ZNF516: variants seen among roughly 807,000 people sequenced by gnomAD.
The protein encoded by ZNF516 is zinc finger protein 516.
In ZNF516, 19 loss-of-function variants were observed where a neutral mutation model predicts 79.7. The ratio of observed to expected loss-of-function variants is 0.24; its 90% CI spans 0.17 to 0.35. The LOEUF (loss-of-function observed/expected upper bound fraction) is 0.35, where lower values mean the gene tolerates loss of function less well. Ranked by LOEUF, ZNF516 falls within the 10% of genes least tolerant of loss-of-function variation. The probability of loss-of-function intolerance (pLI) is 1.00; values close to 1 mark genes in which losing one functional copy is unlikely to be tolerated. For synonymous variants in ZNF516, 877 were observed against 739.5 expected, an observed-to-expected ratio of 1.19 and a Z score of -3.02; for missense variants, 1,678 against 1,679.5, an observed-to-expected ratio of 1.00 and a Z score of 0.02.
chr18:76,380,161 G>A lies in ZNF516; in HGVS notation c.1953C>T (p.Ser651=), dbSNP rs1251943607. ...ESKAGIAASV[S]ILENSSRETS... is the part of the protein sequence containing the mutation. ...TCTCTCTGCTACTGTTTTCAAGTATGGACACAGAAGCTGCGATCCCTGCCT... is the reference window on the plus strand; with the variant it reads ...TCTCTCTGCTACTGTTTTCAAGTATAGACACAGAAGCTGCGATCCCTGCCT... The change falls in exon 4 of 7, where the codon TCC becomes TCT. Residue 651 remains serine (S), a synonymous_variant. Coordinates refer to ENST00000443185, the MANE Select transcript of ZNF516 (RefSeq NM_014643.4). The A allele has an allele frequency of 1.9e-6, 3 of 1,613,938 alleles. No individual in the cohort carries two copies. Among genetic ancestry groups the A allele is most frequent in the South Asian group, 1.1e-5 (1 of 91,076 alleles).
At position 76,360,439 on chromosome 18, in the gene ZNF516, CAT is replaced by C. The variant is rs2074513137; in HGVS notation, c.*2057_*2058del. On this transcript the variant is annotated 3_prime_UTR_variant, in exon 7 of 7. Coordinates refer to ENST00000443185, the MANE Select transcript of ZNF516 (RefSeq NM_014643.4). Reference sequence around the variant, plus strand: ...TGGGGAAACTACTGAAATGATTAAACATAAATCAACAGAAGAGTCTTCTGATT... The same window carrying C: ...TGGGGAAACTACTGAAATGATTAAACAAATCAACAGAAGAGTCTTCTGATT... The C allele has an allele frequency of 6.6e-6, 1 of 151,646 alleles. No homozygotes were observed. The highest frequency in any genetic ancestry group is 2.4e-5 in the African/African-American group (1 of 41,250). 9.4% of individuals were successfully genotyped at this position (151,646 alleles called of 1,614,324 possible). A position where few individuals can be genotyped will look rare whatever the true frequency, so the allele number is the denominator to read the frequency against.
rs1374485979 is a variant in ZNF516, at chr18:76,362,055, T to G, written c.*443A>C. On this transcript the variant is annotated 3_prime_UTR_variant, in exon 7 of 7. Transcript: ENST00000443185. Reference sequence around the variant, plus strand: ...TCTTGTTCTGACATCATCCCCACAGTCCCTCTTAACATGGGAGGCCCCTGT... The same window carrying G: ...TCTTGTTCTGACATCATCCCCACAGGCCCTCTTAACATGGGAGGCCCCTGT... 1.9e-5 allele frequency: 3 copies of G among 156,880 alleles called. No homozygotes were observed. The highest frequency in any genetic ancestry group is 7.2e-5 in the African/African-American group (3 of 41,536). 9.7% of individuals were successfully genotyped at this position (156,880 alleles called of 1,614,324 possible).
At position 76,467,995 on chromosome 18, in the gene ZNF516, ACG is replaced by A. The variant is rs1913591951; in HGVS notation, c.-271-4856_-271-4855del. Among the ~76,000 whole-genome samples the A allele has an allele frequency of 6.6e-6, 1 of 152,162 alleles. No homozygotes were observed. The highest frequency in any genetic ancestry group is 2.1e-4 in the South Asian group (1 of 4,830). On this transcript the variant is annotated intron_variant, in intron 1 of 6. Coordinates refer to ENST00000443185, the MANE Select transcript of ZNF516 (RefSeq NM_014643.4). This position sits in a 1 kb window ranked among gnomAD's most constrained non-coding sequence, Gnocchi z 4.2. Reference sequence around the variant, plus strand: ...CATTCCAGACCTCCCTACGGACAGCACGCGACGGACGGCCTTGCGGGACTCCC... The same window carrying A: ...CATTCCAGACCTCCCTACGGACAGCACGACGGACGGCCTTGCGGGACTCCC...
chr18:76,375,272 T>TA (rs2074252992), intron 4 of ZNF516, among the ~76,000 whole-genome samples: 1 of 151,760 alleles, frequency 6.6e-6, no homozygotes, highest in African/African-American at 2.4e-5. Flanking sequence ...AGAGACCAAA[T>TA]AGAGGATGGA....
At chr18:76,404,201 T>C (rs1353879688) in intron 3 of ZNF516, among the ~76,000 whole-genome samples, 1 of 152,226 alleles carries the variant, frequency 6.6e-6, no homozygotes, top group Non-Finnish European at 1.5e-5. Context: ...TGGTCCCACA[T>C]GGTATCGCCC....
intron 3 of ZNF516, among the ~76,000 whole-genome samples, chr18:76,392,076 C>T (rs547930706): frequency 4.6e-5 from 7 of 152,326 alleles, no homozygotes; most frequent in East Asian, 3.9e-4. Flanking sequence ...CCGCCACCAG[C>T]GACGCCAGTC....
chr18:76,387,654 C>T (rs1467304455), intron 3 of ZNF516: 2 of 152,234 alleles, frequency 1.3e-5, no homozygotes, highest in Non-Finnish European at 2.9e-5. Flanking sequence ...TGGACTTGGT[C>T]TCTCCCTGAC....
chr18:76,373,514 C>G (rs1458980228), intron 4 of ZNF516, among the ~76,000 whole-genome samples: 1 of 152,196 alleles, frequency 6.6e-6, no homozygotes, highest in African/African-American at 2.4e-5. Flanking sequence ...TCTGACCACG[C>G]CTACACACAA....
At chr18:76,444,731 T>G (rs1911937741) in intron 2 of ZNF516, among the ~76,000 whole-genome samples, 1 of 152,124 alleles carries the variant, frequency 6.6e-6, no homozygotes, top group Non-Finnish European at 1.5e-5. Context: ...GTCAAGAGTG[T>G]CCCCATACCT....
chr18:76,380,356 G>C, intron 3 of ZNF516, 53 bp from the exon 4 acceptor site: 2 of 1,583,626 alleles, frequency 1.3e-6, no homozygotes, highest in Non-Finnish European at 8.6e-7. Context: ...TCAGAACACA[G>C]CAAGACACAC....
chr18:76,473,611 C>A (rs1037739797), intron 1 of ZNF516, among the ~76,000 whole-genome samples: 3 of 151,964 alleles, frequency 2.0e-5, no homozygotes, highest in African/African-American at 7.2e-5. Context: ...ACCATCCTAG[C>A]TAACACGGTG....
intron 6 of ZNF516, among the ~76,000 whole-genome samples, chr18:76,368,662 TTAGTC>T (rs1055472854): frequency 2.6e-5 from 4 of 152,162 alleles, no homozygotes; most frequent in African/African-American, 9.7e-5. Flanking sequence ...TAACAATATT[TTAGTC>T]TAGAGAGACA....
chr18:76,402,781 C>T (rs1265582974), intron 3 of ZNF516, among the ~76,000 whole-genome samples: 1 of 152,272 alleles, frequency 6.6e-6, no homozygotes, highest in African/African-American at 2.4e-5. Flanking sequence ...GCGCTTCTAT[C>T]AGCTTGAGCT....
At chr18:76,389,955 T>C (rs1024381126) in intron 3 of ZNF516, among the ~76,000 whole-genome samples, 1 of 152,178 alleles carries the variant, frequency 6.6e-6, no homozygotes, top group Admixed American at 6.5e-5. Flanking sequence ...CGCAGTTTTA[T>C]TACATGAGGC....
chr18:76,426,778 T>C (rs2075598888), intron 3 of ZNF516, among the ~76,000 whole-genome samples: 1 of 152,194 alleles, frequency 6.6e-6, no homozygotes, highest in Admixed American at 6.5e-5. Flanking sequence ...GTGGAAATTA[T>C]GCACAGGAAA....
At chr18:76,397,623 G>A (rs938303823) in intron 3 of ZNF516, among the ~76,000 whole-genome samples, 2 of 152,130 alleles carry the variant, frequency 1.3e-5, no homozygotes, top group Non-Finnish European at 1.5e-5. Context: ...TTTGAGACAA[G>A]GTCTTGCTCT....
intron 3 of ZNF516, chr18:76,388,623 C>CAG (rs1329144311): frequency 2.0e-5 from 3 of 152,214 alleles, no homozygotes; most frequent in African/African-American, 7.2e-5. Context: ...GGCTGACACT[C>CAG]AGAGATGAGG....
intron 1 of ZNF516, chr18:76,492,184 C>G (rs1345848234): frequency 2.0e-6 from 2 of 985,322 alleles, no homozygotes; most frequent in African/African-American, 1.7e-5. Context: ...AGAAGCGCAG[C>G]AACCCCGCGG....
intron 6 of ZNF516, among the ~76,000 whole-genome samples, chr18:76,370,088 G>A (rs2074678003): frequency 6.6e-6 from 1 of 152,226 alleles, no homozygotes. Flanking sequence ...TGTTCGTAAT[G>A]CAGAGAAACA....
Sources: allele counts gnomAD v4.1 joint callset (sites outside exome capture counted in the v4.1 genomes callset), GRCh38; gene constraint gnomAD v4.1.1; non-coding constraint Gnocchi (gnomAD v3.1); transcripts MANE v1.5; gene names NCBI Gene and HGNC (gene_info 2026-07-23, HGNC 2026-07-21).